PREX2: variants seen among roughly 807,000 people sequenced by gnomAD.
PREX2 encodes the protein phosphatidylinositol-3,4,5-trisphosphate dependent Rac exchange factor 2, also known as phosphatidylinositol 3,4,5-trisphosphate-dependent Rac exchanger 2 protein.
Under a neutral mutation model 203.2 loss-of-function variants are expected in PREX2, and 107 were observed. The observed-to-expected ratio is 0.53, with a 90% CI of 0.45 to 0.62. PREX2 has a LOEUF of 0.62. PREX2 is among the 20% of genes least tolerant of loss of function. The probability of loss-of-function intolerance (pLI) is 0.00; values close to 1 mark genes in which losing one functional copy is unlikely to be tolerated. For synonymous variants in PREX2, 672 were observed against 663.6 expected (o/e 1.01, Z -0.19); for missense variants, 1,777 against 1,955.9 (o/e 0.91, Z 1.72).
At chr8:68,020,097 G>A (rs893034875) in intron 3 of PREX2, among the ~76,000 whole-genome samples, 3 of 149,894 alleles carry the variant, frequency 2.0e-5, no homozygotes, top group Admixed American at 2.0e-4. Flanking sequence ...ACCTGGAGTT[G>A]AATAAACCCA....
rs1246213921 is a variant in PREX2 at position 68,120,126 on chromosome 8, G to A, written c.3505-70G>A. The A allele has an allele frequency of 5.0e-6, 5 of 1,008,542 alleles. No individual in the cohort carries two copies. In the African/African-American group the frequency reaches 8.1e-5, roughly 16 times the overall value. The allele number at this position is 1,008,542 out of a possible 1,614,324, so 62.5% of individuals were successfully genotyped here. A position where few individuals can be genotyped will look rare whatever the true frequency, so the allele number is the denominator to read the frequency against. ...TGCTTTAAGAAAAAATATTTTATAA[G>A]ATTTACTTTTAGAAATACGTATCAT... On this transcript the variant is annotated intron_variant, in intron 28 of 39. Coordinates refer to ENST00000288368, the MANE Select transcript of PREX2 (RefSeq NM_024870.4).
rs985897488 is a variant in PREX2 at position 68,093,580 on chromosome 8, G to A, written c.2251-25G>A. 4 of 1,199,780 alleles carry A rather than the reference G, an allele frequency of 3.3e-6. No individual in the cohort carries two copies. In the Admixed American group the frequency reaches 7.2e-5, roughly 21 times the overall value. 74.3% of individuals were successfully genotyped at this position (1,199,780 alleles called of 1,614,324 possible). A position where few individuals can be genotyped will look rare whatever the true frequency, so the allele number is the denominator to read the frequency against. ...TTTTAGGAAGCACTAATACCTCTGAGGTTTCTTTCCCCCCTCATTTCCAGC... is the reference window on the plus strand; with the variant it reads ...TTTTAGGAAGCACTAATACCTCTGAAGTTTCTTTCCCCCCTCATTTCCAGC... On this transcript the variant is annotated intron_variant, in intron 20 of 39. Transcript: ENST00000288368.
Position 68,231,323 on chromosome 8 carries a change from C to G in PREX2, c.4776-10C>G. ...TAAGTCACTGTCAAACTTTACCATGCCTTTTCTAGGCTGTACAAGCTGTGC... is the reference window on the plus strand; with the variant it reads ...TAAGTCACTGTCAAACTTTACCATGGCTTTTCTAGGCTGTACAAGCTGTGC... On this transcript the variant is annotated splice_polypyrimidine_tract_variant and intron_variant, in intron 39 of 39. Transcript: ENST00000288368. 6.3e-7 allele frequency: 1 copy of G among 1,579,858 alleles called. No homozygotes were observed. The highest frequency in any genetic ancestry group is 8.6e-7 in the Non-Finnish European group (1 of 1,166,546).
chr8:68,145,163 T>G (rs539450288), intron 33 of PREX2, among the ~76,000 whole-genome samples: 30 of 152,210 alleles, frequency 2.0e-4, no homozygotes, highest in Non-Finnish European at 4.0e-4. Context: ...TGCTATTAAT[T>G]TTCAACCCTT....
At position 68,076,452 on chromosome 8, in the gene PREX2, A is replaced by G. The variant is rs1432420708; in HGVS notation, c.1570-945A>G. 2.7e-5 allele frequency among the ~76,000 whole-genome samples: 4 copies of G among 149,656 alleles called. No individual in the cohort carries two copies. In the East Asian group the frequency reaches 6.0e-4, roughly 22 times the overall value. Reference sequence around the variant, plus strand: ...AGCCTGAGCGACAGAGTGAGACTCCATCTTAAAAAAAAAATAGCTTAATTG... The same window carrying G: ...AGCCTGAGCGACAGAGTGAGACTCCGTCTTAAAAAAAAAATAGCTTAATTG... On this transcript the variant is annotated intron_variant, in intron 14 of 39. Transcript: ENST00000288368.
intron 36 of PREX2, among the ~76,000 whole-genome samples, chr8:68,192,031 T>C (rs1322846074): frequency 6.6e-6 from 1 of 152,212 alleles, no homozygotes; most frequent in Admixed American, 6.5e-5. Context: ...GGTGGTTTGC[T>C]GCACCCATCA....
chr8:68,093,732 T>C lies in PREX2; in HGVS notation c.2368+10T>C, dbSNP rs1490657024. On this transcript the variant is annotated intron_variant, in intron 21 of 39. Transcript: ENST00000288368. ...GACTGTAAAGTAGAAGGTAGGTTTC[T>C]TATTTTCTTCTTCATGTGCTTATAG... The C allele has an allele frequency of 3.6e-6, 5 of 1,398,556 alleles. No homozygotes were observed. 86.6% of individuals were successfully genotyped at this position (1,398,556 alleles called of 1,614,324 possible).
Position 68,118,459 on chromosome 8 carries a change from A to T in PREX2, c.3327-91A>T, listed in dbSNP as rs536153630. Reference sequence around the variant, plus strand: ...TAGTTTTCTCTAAAACATACTAATAAATATAACTGATATAAGTTTATGTCA... The same window carrying T: ...TAGTTTTCTCTAAAACATACTAATATATATAACTGATATAAGTTTATGTCA... On this transcript the variant is annotated intron_variant, in intron 26 of 39. Transcript: ENST00000288368. 5.2e-6 allele frequency: 4 copies of T among 765,510 alleles called. No homozygotes were observed. In the South Asian group the frequency reaches 6.6e-5, roughly 13 times the overall value. The allele number at this position is 765,510 out of a possible 1,614,324, so 47.4% of individuals were successfully genotyped here.
chr8:68,064,839 G>A (rs1410582393), intron 11 of PREX2, among the ~76,000 whole-genome samples: 1 of 152,134 alleles, frequency 6.6e-6, no homozygotes, highest in Non-Finnish European at 1.5e-5. Context: ...CTTTAGGTTG[G>A]AAACTTGAAA....
intron 39 of PREX2, 30 bp downstream of exon 39, chr8:68,224,656 C>G (rs374512944): frequency 2.5e-6 from 4 of 1,571,518 alleles, no homozygotes; most frequent in Non-Finnish European, 3.5e-6. Flanking sequence ...TGCCCTTGCC[C>G]GAAAGATTTG....
In PREX2 at chr8:67,994,326, G is replaced by A. The variant is rs186745636; in HGVS notation, c.142-23520G>A. ...CCAGCCCAAGAGTCACCTTGTTTGC[G>A]TTTGACAGGCATTTCACACTGGCAT... On this transcript the variant is annotated intron_variant, in intron 1 of 39. Coordinates refer to ENST00000288368, the MANE Select transcript of PREX2 (RefSeq NM_024870.4). Among the ~76,000 whole-genome samples, 192 of 152,260 alleles carry A rather than the reference G, an allele frequency of 1.3e-3. 1 individual carries two copies. Among genetic ancestry groups the A allele is most frequent in the African/African-American group, 4.2e-3 (174 of 41,556 alleles).
At position 68,055,883 on chromosome 8, in the gene PREX2, G is replaced by T. The variant is rs1808663422; in HGVS notation, c.1147G>T (p.Glu383Ter). ...DTWVMISEQG[E>*]KLYKMMCRQG... is the part of the protein sequence containing the mutation. Reference sequence around the variant, plus strand: ...CTGGGTCATGATCTCTGAACAGGGTGAGAAACTTTATAAAATGATGTGCAG... The same window carrying T: ...CTGGGTCATGATCTCTGAACAGGGTTAGAAACTTTATAAAATGATGTGCAG... Residue 383 changes from glutamate to a stop codon, truncating the protein, a stop_gained, in exon 10 of 40, where the codon GAG becomes TAG. Transcript: ENST00000288368. LOFTEE classifies it high-confidence loss of function. 1.2e-6 allele frequency: 2 copies of T among 1,613,634 alleles called. No individual in the cohort carries two copies. The highest frequency in any genetic ancestry group is 4.5e-5 in the East Asian group (2 of 44,856).
intron 23 of PREX2, among the ~76,000 whole-genome samples, chr8:68,101,630 G>A (rs10098030): frequency 0.46 from 69,505 of 151,950 alleles, 16,353 homozygotes; most frequent in African/African-American, 0.57. Flanking sequence ...AAATGCAAAC[G>A]AAAATGCTAA....
intron 23 of PREX2, chr8:68,106,084 T>C (rs905331287): frequency 3.6e-6 from 1 of 280,266 alleles, no homozygotes; most frequent in African/African-American, 2.3e-5. Flanking sequence ...ATCTCCAGCA[T>C]TGAGCACAGA....
chr8:68,055,630 A>T (rs949971162), intron 9 of PREX2, among the ~76,000 whole-genome samples, 200 bp from the exon 10 acceptor site: 2 of 152,090 alleles, frequency 1.3e-5, no homozygotes, highest in Admixed American at 1.3e-4. Flanking sequence ...CAAAGGTGAC[A>T]TATACCCTGG....
At chr8:68,167,470 A>T (rs1811787176) in intron 35 of PREX2, among the ~76,000 whole-genome samples, 5 of 151,696 alleles carry the variant, frequency 3.3e-5, no homozygotes, top group African/African-American at 9.7e-5. Context: ...AGTAGCTGGG[A>T]CTATAGGCAT....
rs67614434 is a variant in PREX2 at position 67,975,694 on chromosome 8, C to CTTTTTTTTTTTTTTTT, written c.141+23171_141+23186dup. On this transcript the variant is annotated intron_variant, in intron 1 of 39. Coordinates refer to ENST00000288368, the MANE Select transcript of PREX2 (RefSeq NM_024870.4). Reference sequence around the variant, plus strand: ...TCAGGATAGTAACTGATTTCTCTTTCTTTTTTTTTTTTTTTTTTTTTTTTT... The same window carrying CTTTTTTTTTTTTTTTT: ...TCAGGATAGTAACTGATTTCTCTTTCTTTTTTTTTTTTTTTTTTTTTTTTTTTTTTTTTTTTTTTTT... Among the ~76,000 whole-genome samples the CTTTTTTTTTTTTTTTT allele has an allele frequency of 9.3e-5, 7 of 75,016 alleles. 2 individuals carry two copies. The highest frequency in any genetic ancestry group is 3.6e-4 in the African/African-American group (6 of 16,860). 49.2% of individuals were successfully genotyped at this position (75,016 alleles called of 152,430 possible). A position where few individuals can be genotyped will look rare whatever the true frequency, so the allele number is the denominator to read the frequency against.
chr8:68,004,740 A>G (rs918958066), intron 1 of PREX2, among the ~76,000 whole-genome samples: 1 of 152,364 alleles, frequency 6.6e-6, no homozygotes, highest in East Asian at 1.9e-4. Flanking sequence ...GGCATTTGAC[A>G]TTGAGAGGTT....
chr8:68,086,541 T>C (rs1243254460), intron 18 of PREX2, among the ~76,000 whole-genome samples: 1 of 152,180 alleles, frequency 6.6e-6, no homozygotes, highest in Non-Finnish European at 1.5e-5. Context: ...TTTATTGCGT[T>C]GTATTCATTT....
Sources: allele counts gnomAD v4.1 joint callset (sites outside exome capture counted in the v4.1 genomes callset), GRCh38; gene constraint gnomAD v4.1.1; transcripts MANE v1.5; gene names NCBI Gene and HGNC (gene_info 2026-07-23, HGNC 2026-07-21).